Variants in PCSK5 observed in about 807,000 individuals in gnomAD.
PCSK5 encodes prohormone convertase 5.
In PCSK5, 129 loss-of-function variants were observed where a neutral mutation model predicts 233.2. The observed-to-expected ratio is 0.55, with a 90% CI of 0.48 to 0.64. The LOEUF (loss-of-function observed/expected upper bound fraction) is 0.64, where lower values mean the gene tolerates loss of function less well. Among genes scored for constraint, PCSK5 ranks in the 30% least tolerant of loss-of-function variants. PCSK5 has a pLI of 0.00. For synonymous variants in PCSK5, 825 were observed against 879.2 expected (o/e 0.94, Z 1.09); for missense variants, 2,076 against 2,430.1 (o/e 0.85, Z 3.06).
intron 30 of PCSK5, among the ~76,000 whole-genome samples, chr9:76,320,544 G>C (rs1490717233): frequency 7.4e-6 from 1 of 135,762 alleles, no homozygotes; most frequent in East Asian, 2.2e-4. Context: ...CACAATCTTG[G>C]CTCACCTCAA....
At chr9:76,146,763 G>A (rs1823459023) in intron 10 of PCSK5, among the ~76,000 whole-genome samples, 1 of 152,060 alleles carries the variant, frequency 6.6e-6, no homozygotes, top group African/African-American at 2.4e-5. Flanking sequence ...GTAATCAATG[G>A]ATAAATATAT....
intron 24 of PCSK5, among the ~76,000 whole-genome samples, chr9:76,251,126 G>A (rs1309372093): frequency 6.6e-6 from 1 of 152,092 alleles, no homozygotes; most frequent in Non-Finnish European, 1.5e-5. Flanking sequence ...AAATTGTCAA[G>A]GTGTGGTGTG....
intron 2 of PCSK5, among the ~76,000 whole-genome samples, chr9:75,939,851 T>C (rs1824220999): frequency 6.6e-6 from 1 of 152,208 alleles, no homozygotes; most frequent in Admixed American, 6.5e-5. Context: ...CCAGTTTTTA[T>C]CCAAGACTAA....
At chr9:75,958,988 C>A (rs1825218331) in intron 2 of PCSK5, among the ~76,000 whole-genome samples, 2 of 152,152 alleles carry the variant, frequency 1.3e-5, no homozygotes, top group Admixed American at 6.5e-5. Context: ...TCTAACCTTG[C>A]AATTTGGCAG....
intron 15 of PCSK5, 65 bp downstream of exon 15, chr9:76,179,763 C>CTAA: frequency 2.7e-6 from 3 of 1,106,876 alleles, no homozygotes; most frequent in Middle Eastern, 4.5e-4. Flanking sequence ...TCCTGCAAGG[C>CTAA]TAATACCATG....
At chr9:75,937,336 G>C (rs553612237) in intron 2 of PCSK5, among the ~76,000 whole-genome samples, 1 of 152,106 alleles carries the variant, frequency 6.6e-6, no homozygotes, top group African/African-American at 2.4e-5. Context: ...CTGCCACTAT[G>C]CCTGGCTAAT....
intron 3 of PCSK5, among the ~76,000 whole-genome samples, chr9:76,010,031 T>A (rs1293201328): frequency 1.3e-5 from 2 of 152,160 alleles, no homozygotes; most frequent in African/African-American, 4.8e-5. Flanking sequence ...CAACTACCGA[T>A]GAAGTTGATA....
chr9:76,332,669 A>G (rs1210398479), intron 34 of PCSK5, 59 bp downstream of exon 34: 2 of 1,233,810 alleles, frequency 1.6e-6, no homozygotes, highest in African/African-American at 3.0e-5. Context: ...ATATCAACCC[A>G]TTTTACAAAT....
intron 2 of PCSK5, among the ~76,000 whole-genome samples, chr9:75,974,095 C>T (rs1825915108): frequency 6.6e-6 from 1 of 152,174 alleles, no homozygotes; most frequent in Non-Finnish European, 1.5e-5. Flanking sequence ...CTCTGAGCCT[C>T]AGCCCCAGGG....
intron 7 of PCSK5, among the ~76,000 whole-genome samples, chr9:76,086,381 C>T (rs1297295324): frequency 6.6e-6 from 1 of 152,108 alleles, no homozygotes; most frequent in Non-Finnish European, 1.5e-5. Context: ...GTGTGAGATG[C>T]CCCCACAAAA....
In PCSK5 at chr9:76,210,666, G is replaced by T; in HGVS notation, c.2627-16837G>T. Among the ~76,000 whole-genome samples the T allele has an allele frequency of 1.3e-5, 2 of 152,334 alleles. 1 individual carries two copies. Among genetic ancestry groups the T allele is most frequent in the South Asian group, 4.1e-4 (2 of 4,826 alleles). On this transcript the variant is annotated intron_variant, in intron 20 of 37. Coordinates refer to ENST00000674117, the MANE Select transcript of PCSK5 (RefSeq NM_001372043.1). The stretch of plus-strand genomic sequence containing the variant: ...AGCAGCGTTGCAAGATTTTAGGTAG[G>T]AGAGTGGTCTGATAAGGTTTGAATT...
intron 24 of PCSK5, among the ~76,000 whole-genome samples, chr9:76,288,839 TA>T (rs1164508385): frequency 1.3e-5 from 2 of 152,220 alleles, no homozygotes; most frequent in Non-Finnish European, 2.9e-5. Context: ...CGTTCAAGTT[TA>T]AAATATCTCC....
chr9:76,113,049 A>G (rs4745502), intron 9 of PCSK5, among the ~76,000 whole-genome samples: 52,747 of 151,970 alleles, frequency 0.35, 10,184 homozygotes, highest in East Asian at 0.47. Context: ...CAATTGCTCA[A>G]TTAGTTACTT....
chr9:76,331,613 G>A (rs1046805737), intron 33 of PCSK5, among the ~76,000 whole-genome samples: 1 of 150,552 alleles, frequency 6.6e-6, no homozygotes, highest in Non-Finnish European at 1.5e-5. Flanking sequence ...CTTGCAGTGA[G>A]CCAAGATTGT....
intron 7 of PCSK5, among the ~76,000 whole-genome samples, chr9:76,087,553 G>A (rs921258280): frequency 6.6e-6 from 1 of 152,082 alleles, no homozygotes; most frequent in Non-Finnish European, 1.5e-5. Context: ...CTTATAAATG[G>A]CACTTAAAAT....
chr9:76,094,186 C>T (rs1396882476), intron 7 of PCSK5, among the ~76,000 whole-genome samples: 2 of 152,196 alleles, frequency 1.3e-5, no homozygotes, highest in Non-Finnish European at 2.9e-5. Flanking sequence ...ATATACTGTT[C>T]CTTGAGGATT....
intron 5 of PCSK5, among the ~76,000 whole-genome samples, chr9:76,064,001 C>T (rs1239747345): frequency 1.0e-3 from 81 of 78,878 alleles, no homozygotes; most frequent in African/African-American, 5.1e-3. Context: ...GCTGGCCGGG[C>T]GGGGGGCTGA....
At chr9:76,093,269 ATT>A (rs919242364) in intron 7 of PCSK5, among the ~76,000 whole-genome samples, 3 of 151,058 alleles carry the variant, frequency 2.0e-5, no homozygotes, top group Non-Finnish European at 3.0e-5. Context: ...TTTCTTTTTA[ATT>A]TTTTGTAAAT....
Position 76,123,204 on chromosome 9 carries a change from A to G in PCSK5, c.1209-10905A>G, listed in dbSNP as rs117322367. On this transcript the variant is annotated intron_variant, in intron 9 of 37. Transcript: ENST00000674117. ...TTTGATGCACAAATGTCATGCTGTTACATCTTTATTTTAGATAGCACTTTG... is the reference window on the plus strand; with the variant it reads ...TTTGATGCACAAATGTCATGCTGTTGCATCTTTATTTTAGATAGCACTTTG... Among the ~76,000 whole-genome samples the G allele has an allele frequency of 2.2e-4, 33 of 152,234 alleles. No homozygotes were observed. The East Asian group carries it at 4.1e-3, about 19-fold the overall frequency.
Sources: gnomAD v4.1 joint callset for allele counts (sites outside exome capture counted in the v4.1 genomes callset) on GRCh38, gnomAD v4.1.1 for gene constraint, MANE v1.5 for transcripts, NCBI Gene and HGNC (gene_info 2026-07-23, HGNC 2026-07-21) for gene names.